Variants in ELP4 observed in about 807,000 individuals in gnomAD.
The protein encoded by ELP4 is elongator complex protein 4.
ELP4 carries 51 observed loss-of-function variants against 48.9 expected under a neutral mutation model. The ratio of observed to expected loss-of-function variants is 1.04; its 90% CI spans 0.83 to 1.32. The LOEUF is 1.32. Among genes scored for constraint, ELP4 ranks in the 40% most tolerant of loss-of-function variants. The pLI is 0.00. For missense variants in ELP4, 519 were observed against 514.6 expected, an observed-to-expected ratio of 1.01 and a Z score of -0.08; for synonymous variants, 210 against 189.2, an observed-to-expected ratio of 1.11 and a Z score of -0.90.
chr11:31,749,527 T>C (rs192726833), intron 9 of ELP4, among the ~76,000 whole-genome samples: 1 of 152,356 alleles, frequency 6.6e-6, no homozygotes, highest in African/African-American at 2.4e-5. Flanking sequence ...CCAAATTACT[T>C]CCTCTGTCAG....
chr11:31,575,386 A>G (rs1409063596), intron 3 of ELP4, among the ~76,000 whole-genome samples: 3 of 152,210 alleles, frequency 2.0e-5, no homozygotes, highest in Admixed American at 6.5e-5. Flanking sequence ...ATCCAGGAGA[A>G]CTTCCCCAAT....
chr11:31,657,059 G>GA, intron 9 of ELP4, among the ~76,000 whole-genome samples: 1 of 152,106 alleles, frequency 6.6e-6, no homozygotes, highest in East Asian at 1.9e-4. Context: ...CAAGTTCCTA[G>GA]AAAGTAAGAA....
chr11:31,727,332 TC>T (rs1947096647), intron 9 of ELP4, among the ~76,000 whole-genome samples: 1 of 152,108 alleles, frequency 6.6e-6, no homozygotes, highest in African/African-American at 2.4e-5. Flanking sequence ...GAATTTGAGA[TC>T]TTGATTTATT....
intron 9 of ELP4, among the ~76,000 whole-genome samples, chr11:31,749,593 A>G (rs1036854226): frequency 6.6e-6 from 1 of 152,216 alleles, no homozygotes; most frequent in East Asian, 1.9e-4. Flanking sequence ...ACTTCTATGT[A>G]TACTATATCA....
chr11:31,519,122 G>A (rs1284838229), intron 1 of ELP4, among the ~76,000 whole-genome samples: 1 of 151,996 alleles, frequency 6.6e-6, no homozygotes, highest in Non-Finnish European at 1.5e-5. Context: ...GCCTAATTCA[G>A]ATATTTAAAA....
intron 2 of ELP4, among the ~76,000 whole-genome samples, chr11:31,524,474 A>G (rs182630662): frequency 4.6e-5 from 7 of 152,354 alleles, no homozygotes; most frequent in Non-Finnish European, 8.8e-5. Flanking sequence ...AGGTTTTCAT[A>G]ACAGAAATGA....
intron 9 of ELP4, among the ~76,000 whole-genome samples, chr11:31,658,865 G>A (rs1207914414): frequency 2.0e-5 from 3 of 151,894 alleles, no homozygotes; most frequent in African/African-American, 7.2e-5. Flanking sequence ...TGGTTCTAAT[G>A]AAGGTTTGAT....
intron 9 of ELP4, among the ~76,000 whole-genome samples, chr11:31,675,506 C>T (rs1164469679): frequency 6.6e-6 from 1 of 152,118 alleles, no homozygotes; most frequent in African/African-American, 2.4e-5. Flanking sequence ...GGTGATCCGC[C>T]CGCCTCGGCC....
At chr11:31,652,835 A>AGTCACATG (rs1945350487) in intron 9 of ELP4, 1 of 151,714 alleles carries the variant, frequency 6.6e-6, no homozygotes, top group Non-Finnish European at 1.5e-5. Context: ...ATTTACTGTC[A>AGTCACATG]GTCACATGGT....
intron 5 of ELP4, among the ~76,000 whole-genome samples, chr11:31,605,935 C>CT (rs34201146): frequency 0.011 from 1,578 of 146,142 alleles, 11 homozygotes; most frequent in Middle Eastern, 0.039. Flanking sequence ...AACCTCTGCT[C>CT]TTTTTTTTTT....
At chr11:31,590,282 G>A (rs1017189600) in intron 3 of ELP4, among the ~76,000 whole-genome samples, 1 of 151,926 alleles carries the variant, frequency 6.6e-6, no homozygotes, top group Non-Finnish European at 1.5e-5. Flanking sequence ...TACTAAATTT[G>A]TTCACTGCTG....
intron 2 of ELP4, among the ~76,000 whole-genome samples, chr11:31,528,645 G>A (rs1956339128): frequency 6.6e-6 from 1 of 152,062 alleles, no homozygotes; most frequent in African/African-American, 2.4e-5. Flanking sequence ...ACATGTGTAG[G>A]TGATGAAGGA....
rs369567961 is a variant in ELP4 at position 31,606,222 on chromosome 11, C to T, written c.653+2315C>T. 2.1e-4 allele frequency among the ~76,000 whole-genome samples: 32 copies of T among 152,050 alleles called. No homozygotes were observed. In the East Asian group the frequency reaches 6.2e-3, roughly 29 times the overall value. ...TAATTAAATGTAATTAAACTTTAAA[C>T]ATGTAATTAAATTAATTTTCAAAAT... On this transcript the variant is annotated intron_variant, in intron 5 of 9. Coordinates refer to ENST00000640961, the MANE Select transcript of ELP4 (RefSeq NM_019040.5).
intron 3 of ELP4, among the ~76,000 whole-genome samples, chr11:31,545,567 A>G (rs1592101820): frequency 6.6e-6 from 1 of 152,198 alleles, no homozygotes; most frequent in South Asian, 2.1e-4. Context: ...TCTGCAGGAT[A>G]TTATCCTGGA....
intron 4 of ELP4, among the ~76,000 whole-genome samples, chr11:31,603,377 C>T (rs915900086): frequency 2.6e-5 from 4 of 151,628 alleles, no homozygotes; most frequent in African/African-American, 9.7e-5. Context: ...TTTAAGTTTT[C>T]AGTTAGTTCT....
chr11:31,670,675 AGC>A (rs1945788398), intron 9 of ELP4, among the ~76,000 whole-genome samples: 1 of 152,150 alleles, frequency 6.6e-6, no homozygotes, highest in Non-Finnish European at 1.5e-5. Context: ...GAAAATTTCA[AGC>A]AAAGGGAGGC....
intron 9 of ELP4, among the ~76,000 whole-genome samples, chr11:31,749,496 C>T (rs1415088132): frequency 6.6e-6 from 1 of 152,184 alleles, no homozygotes; most frequent in African/African-American, 2.4e-5. Flanking sequence ...GTCTTTTACA[C>T]ATATTCATAC....
At chr11:31,754,679 C>T (rs1947796296) in intron 9 of ELP4, among the ~76,000 whole-genome samples, 1 of 151,946 alleles carries the variant, frequency 6.6e-6, no homozygotes, top group African/African-American at 2.4e-5. Context: ...GAGACCAGCC[C>T]AGCCAACATG....
chr11:31,556,445 A>G lies in ELP4; in HGVS notation c.381+16662A>G, dbSNP rs1353486101. Reference sequence around the variant, plus strand: ...ACATTTATTAGTAGACTGATTTTTTATGAAATAAATTATATACACGTGCAC... The same window carrying G: ...ACATTTATTAGTAGACTGATTTTTTGTGAAATAAATTATATACACGTGCAC... On this transcript the variant is annotated intron_variant, in intron 3 of 9. Coordinates refer to ENST00000640961, the MANE Select transcript of ELP4 (RefSeq NM_019040.5). Among the ~76,000 whole-genome samples, 6 of 147,700 alleles carry G rather than the reference A, an allele frequency of 4.1e-5. No individual in the cohort carries two copies. In the East Asian group the frequency reaches 6.0e-4, roughly 15 times the overall value.
Sources: allele counts gnomAD v4.1 joint callset (sites outside exome capture counted in the v4.1 genomes callset), GRCh38; gene constraint gnomAD v4.1.1; transcripts MANE v1.5; gene names NCBI Gene and HGNC (gene_info 2026-07-23, HGNC 2026-07-21).